Variants in DLGAP1 observed in about 807,000 individuals in gnomAD.
DLGAP1 encodes the protein DLG associated protein 1, also known as disks large-associated protein 1.
A neutral mutation model predicts 90.8 loss-of-function variants in DLGAP1; 11 were observed. The observed-to-expected ratio is 0.12, with a 90% CI of 0.08 to 0.20. The LOEUF (loss-of-function observed/expected upper bound fraction) is 0.20. Among genes scored for constraint, DLGAP1 ranks in the 10% least tolerant of loss-of-function variants. The probability of loss-of-function intolerance (pLI) is 1.00; values close to 1 mark genes in which losing one functional copy is unlikely to be tolerated. For synonymous variants in DLGAP1, 558 were observed against 540.7 expected, an observed-to-expected ratio of 1.03 and a Z score of -0.44; for missense variants, 1,050 against 1,333.8, an observed-to-expected ratio of 0.79 and a Z score of 3.31.
At chr18:4,254,291 G>A (rs528898102) in intron 1 of DLGAP1, among the ~76,000 whole-genome samples, 2 of 152,290 alleles carry the variant, frequency 1.3e-5, no homozygotes, top group East Asian at 3.9e-4. Context: ...CAATTAAATG[G>A]AAACTGAAAC....
At chr18:4,148,311 T>C (rs1255640763) in intron 2 of DLGAP1, among the ~76,000 whole-genome samples, 1 of 152,230 alleles carries the variant, frequency 6.6e-6, no homozygotes, top group East Asian at 1.9e-4. Context: ...GGTCAAAGAA[T>C]AAAAATAGTA....
At position 3,517,168 on chromosome 18, in the gene DLGAP1, G is replaced by A. The variant is rs773919381; in HGVS notation, c.2480-8507C>T. Among the ~76,000 whole-genome samples, 5 of 152,204 alleles carry A rather than the reference G, an allele frequency of 3.3e-5. No homozygotes were observed. The highest frequency in any genetic ancestry group is 1.9e-4 in the East Asian group (1 of 5,194). The stretch of plus-strand genomic sequence containing the variant: ...AAATTTAGCATAATTTTTAAGGGCC[G>A]TAGGCTTTTCAGAATGGTAAATGAG... On this transcript the variant is annotated intron_variant, in intron 10 of 12. Coordinates refer to ENST00000315677, the MANE Select transcript of DLGAP1 (RefSeq NM_004746.4). The surrounding 1 kb of genome is among the most constrained non-coding windows in gnomAD (Gnocchi z 4.1).
chr18:4,306,236 A>G (rs1173862563), intron 1 of DLGAP1, among the ~76,000 whole-genome samples: 2 of 152,204 alleles, frequency 1.3e-5, no homozygotes, highest in African/African-American at 2.4e-5. Flanking sequence ...GTTGATTCAC[A>G]TGTCAGATCT....
chr18:3,990,428 G>A (rs533262626), intron 3 of DLGAP1, among the ~76,000 whole-genome samples: 2 of 137,328 alleles, frequency 1.5e-5, no homozygotes, highest in South Asian at 2.3e-4. Flanking sequence ...GGTGGGAATC[G>A]AACAATGAGA....
intron 7 of DLGAP1, among the ~76,000 whole-genome samples, chr18:3,683,562 T>A (rs1446737724): frequency 2.0e-5 from 3 of 152,070 alleles, no homozygotes; most frequent in Admixed American, 6.6e-5. Flanking sequence ...AAACCAAGGA[T>A]GAAATAATAA....
chr18:3,541,729 A>G (rs1249029090), intron 9 of DLGAP1, among the ~76,000 whole-genome samples: 1 of 152,222 alleles, frequency 6.6e-6, no homozygotes, highest in East Asian at 1.9e-4. Flanking sequence ...CGATCAAAAG[A>G]GATCTTTTAT....
At chr18:3,745,904 G>C (rs1453735914) in intron 5 of DLGAP1, among the ~76,000 whole-genome samples, 1 of 152,196 alleles carries the variant, frequency 6.6e-6, no homozygotes, top group Non-Finnish European at 1.5e-5. Flanking sequence ...GGCCAGGCTG[G>C]TCTTGAACTC....
At chr18:4,206,912 G>A (rs1285492717) in intron 1 of DLGAP1, among the ~76,000 whole-genome samples, 1 of 152,118 alleles carries the variant, frequency 6.6e-6, no homozygotes, top group African/African-American at 2.4e-5. Flanking sequence ...CTTTAGGATG[G>A]GGAGCAATTG....
At chr18:4,152,829 G>A (rs2076696856) in intron 1 of DLGAP1, among the ~76,000 whole-genome samples, 1 of 152,188 alleles carries the variant, frequency 6.6e-6, no homozygotes, top group Admixed American at 6.5e-5. Context: ...CTAGTATCCT[G>A]CTAAGTATTT....
Position 3,857,133 on chromosome 18 carries a change from G to A in DLGAP1, c.957+21979C>T, listed in dbSNP as rs113552567. Among the ~76,000 whole-genome samples, 363 of 152,140 alleles carry A rather than the reference G, an allele frequency of 2.4e-3. 5 individuals carry two copies. Among genetic ancestry groups the A allele is most frequent in the African/African-American group, 7.8e-3 (326 of 41,530 alleles). On this transcript the variant is annotated intron_variant, in intron 4 of 12. Coordinates refer to ENST00000315677, the MANE Select transcript of DLGAP1 (RefSeq NM_004746.4). ...CCATCTGAAAATAACAAAAAGAGCC[G>A]AAAACCTCTGTAGATTATTATTTAA...
intron 7 of DLGAP1, among the ~76,000 whole-genome samples, chr18:3,618,666 G>GGT (rs1658435158): frequency 1.5e-3 from 1 of 650 alleles, no homozygotes; most frequent in Non-Finnish European, 2.5e-3. Flanking sequence ...GGGCCGGGCA[G>GGT]GGTGGCTCAC....
At chr18:4,289,641 A>G (rs1419290633) in intron 1 of DLGAP1, among the ~76,000 whole-genome samples, 3 of 152,172 alleles carry the variant, frequency 2.0e-5, no homozygotes, top group African/African-American at 7.2e-5. Flanking sequence ...ATTTTAAAAG[A>G]AAGAAAACTT....
chr18:4,386,856 T>C (rs1225710708), intron 1 of DLGAP1, among the ~76,000 whole-genome samples: 1 of 152,028 alleles, frequency 6.6e-6, no homozygotes, highest in East Asian at 1.9e-4. Context: ...GCAAAAGAAA[T>C]GAGGCAAAGA....
chr18:4,291,563 T>C (rs1053025551), intron 1 of DLGAP1, among the ~76,000 whole-genome samples: 2 of 151,670 alleles, frequency 1.3e-5, no homozygotes, highest in African/African-American at 4.9e-5. Context: ...CATACATACA[T>C]ACACACATTT....
At chr18:3,620,432 A>G (rs893860115) in intron 7 of DLGAP1, among the ~76,000 whole-genome samples, 4 of 152,098 alleles carry the variant, frequency 2.6e-5, no homozygotes, top group African/African-American at 9.7e-5. Flanking sequence ...GAACAGTGAG[A>G]TGATCTGTGT....
chr18:4,255,734 C>T (rs2078875522), intron 1 of DLGAP1, among the ~76,000 whole-genome samples: 1 of 151,920 alleles, frequency 6.6e-6, no homozygotes, highest in Non-Finnish European at 1.5e-5. Flanking sequence ...CTACCTAAAC[C>T]TCTAAGTGAA....
chr18:3,601,439 G>GGTGTGTGTGTGTGT (rs112583120), intron 7 of DLGAP1, among the ~76,000 whole-genome samples: 21 of 148,022 alleles, frequency 1.4e-4, no homozygotes, highest in African/African-American at 4.0e-4. Context: ...CATATGCAAG[G>GGTGTGTGTGTGTGT]GTGTGTGTGT....
intron 2 of DLGAP1, among the ~76,000 whole-genome samples, chr18:4,077,916 GA>G (rs2075548152): frequency 6.6e-6 from 1 of 152,166 alleles, no homozygotes; most frequent in Non-Finnish European, 1.5e-5. Flanking sequence ...CTGAACCATA[GA>G]AAGTGCCAGT....
chr18:4,157,095 G>A (rs947426239), intron 1 of DLGAP1, among the ~76,000 whole-genome samples: 3 of 151,866 alleles, frequency 2.0e-5, no homozygotes, highest in African/African-American at 7.3e-5. Context: ...AAAACTAGAC[G>A]GGGACATGTC....
Sources: gnomAD v4.1 joint callset for allele counts (sites outside exome capture counted in the v4.1 genomes callset) on GRCh38, gnomAD v4.1.1 for gene constraint, Gnocchi (gnomAD v3.1) non-coding constraint, MANE v1.5 for transcripts, NCBI Gene and HGNC (gene_info 2026-07-23, HGNC 2026-07-21) for gene names.